CLINT1: variants seen among roughly 807,000 people sequenced by gnomAD.
CLINT1 encodes clathrin interacting protein localized in the trans-Golgi region.
Under a neutral mutation model 70.4 loss-of-function variants are expected in CLINT1, and 15 were observed. The observed-to-expected ratio is 0.21, with a 90% confidence interval of 0.14 to 0.33. The LOEUF is 0.33. CLINT1 is among the 10% of genes least tolerant of loss of function. CLINT1 has a pLI of 1.00. For synonymous variants in CLINT1, 227 were observed against 254.7 expected (o/e 0.89, Z 1.04); for missense variants, 615 against 778.1 (o/e 0.79, Z 2.49).
chr5:157,854,008 A>T (rs987115569), intron 1 of CLINT1, among the ~76,000 whole-genome samples: 4 of 152,110 alleles, frequency 2.6e-5, no homozygotes, highest in Admixed American at 2.6e-4. Flanking sequence ...CTAGAAAAGG[A>T]GGAGAATAAT....
chr5:157,806,075 A>C lies in CLINT1; in HGVS notation c.733T>G (p.Ser245Ala), dbSNP rs1292217626. The C allele has an allele frequency of 6.2e-7, 1 of 1,613,902 alleles. No individual in the cohort carries two copies. The highest frequency in any genetic ancestry group is 1.7e-5 in the Admixed American group (1 of 60,010). The change falls in exon 7 of 12, where the codon TCT becomes GCT. Residue 245 changes from serine (S) to alanine (A), a missense_variant. Coordinates refer to ENST00000411809, the MANE Select transcript of CLINT1 (RefSeq NM_014666.4). ...TCATCTTTGAATTCACCTTTGGGAGATCTGCCTCTTCTCGCTTTCTTTTCC... is the reference window on the plus strand; with the variant it reads ...TCATCTTTGAATTCACCTTTGGGAGCTCTGCCTCTTCTCGCTTTCTTTTCC... ...DEEKKARRGR[S>A]PKGEFKDEEE...
At chr5:157,851,963 A>G (rs1229290942) in intron 1 of CLINT1, among the ~76,000 whole-genome samples, 4 of 152,204 alleles carry the variant, frequency 2.6e-5, no homozygotes, top group African/African-American at 9.7e-5. Flanking sequence ...AATAACCAGA[A>G]AGCCCTTTCT....
intron 1 of CLINT1, among the ~76,000 whole-genome samples, chr5:157,834,120 T>C (rs932319479): frequency 2.0e-5 from 3 of 149,998 alleles, no homozygotes; most frequent in African/African-American, 2.5e-5. Flanking sequence ...GGCAAGCGGA[T>C]TGCCTAGGCA....
At chr5:157,790,310 G>C (rs1761862961) in intron 10 of CLINT1, 1 of 169,728 alleles carries the variant, frequency 5.9e-6, no homozygotes, top group African/African-American at 2.4e-5. Flanking sequence ...CTGACATTTT[G>C]CTGTTCTGTG....
At position 157,817,078 on chromosome 5, in the gene CLINT1, C is replaced by T. The variant is rs551563345; in HGVS notation, c.147-248G>A. Among the ~76,000 whole-genome samples, 209 of 152,182 alleles carry T rather than the reference C, an allele frequency of 1.4e-3. 3 individuals carry two copies. Among genetic ancestry groups the T allele is most frequent in the African/African-American group, 4.8e-3 (200 of 41,544 alleles). ...ATAATTAATTAAATTAATTAATATACTTTGCAAGCTCTTCATTCACTGGTA... is the reference window on the plus strand; with the variant it reads ...ATAATTAATTAAATTAATTAATATATTTTGCAAGCTCTTCATTCACTGGTA... On this transcript the variant is annotated intron_variant, in intron 2 of 11. Transcript: ENST00000411809.
At chr5:157,857,457 A>G (rs895368715) in intron 1 of CLINT1, among the ~76,000 whole-genome samples, 4 of 152,234 alleles carry the variant, frequency 2.6e-5, no homozygotes, top group Admixed American at 1.3e-4. Flanking sequence ...TTATAAAGGA[A>G]AATTATTAAA....
intron 1 of CLINT1, among the ~76,000 whole-genome samples, chr5:157,836,178 G>GT (rs1763415793): frequency 1.3e-5 from 2 of 152,134 alleles, no homozygotes; most frequent in African/African-American, 4.8e-5. Flanking sequence ...TTGGTTATTG[G>GT]TTTTTAATAC....
chr5:157,845,601 G>C (rs1236810735), intron 1 of CLINT1, among the ~76,000 whole-genome samples: 1 of 150,284 alleles, frequency 6.7e-6, no homozygotes, highest in Non-Finnish European at 1.5e-5. Context: ...GCCCAGGCTG[G>C]AGTGCAGTGG....
At chr5:157,816,370 G>C (rs1382541530) in intron 3 of CLINT1, among the ~76,000 whole-genome samples, 1 of 152,052 alleles carries the variant, frequency 6.6e-6, no homozygotes, top group Non-Finnish European at 1.5e-5. Flanking sequence ...TCATAAATTA[G>C]GTAAATTTCT....
At chr5:157,808,953 G>C (rs1762464207) in intron 6 of CLINT1, 1 of 151,788 alleles carries the variant, frequency 6.6e-6, no homozygotes, top group Non-Finnish European at 1.5e-5. Context: ...TTTTTACTGG[G>C]GAAAAAAATC....
intron 10 of CLINT1, chr5:157,789,995 G>A (rs1236802528): frequency 5.7e-6 from 1 of 174,558 alleles, no homozygotes; most frequent in Non-Finnish European, 1.2e-5. Context: ...GAGGTCAGAA[G>A]TTCAAGACCA....
intron 1 of CLINT1, among the ~76,000 whole-genome samples, chr5:157,857,421 T>G (rs750571895): frequency 3.3e-5 from 5 of 152,174 alleles, no homozygotes; most frequent in Non-Finnish European, 4.4e-5. Flanking sequence ...AATAAATAGC[T>G]GAAGCCTTAA....
intron 2 of CLINT1, 21 bp from the exon 3 acceptor site, chr5:157,816,851 TAA>T (rs1581504738): frequency 1.3e-6 from 2 of 1,546,356 alleles, no homozygotes; most frequent in East Asian, 2.3e-5. Context: ...AATCATTCTT[TAA>T]GAGTCTGCAA....
chr5:157,851,707 AAT>A, intron 1 of CLINT1, among the ~76,000 whole-genome samples: 2 of 151,834 alleles, frequency 1.3e-5, no homozygotes, highest in African/African-American at 4.8e-5. Flanking sequence ...AAAAAAAAGA[AAT>A]GAAATATTCT....
At chr5:157,820,552 T>C (rs1762849652) in intron 1 of CLINT1, among the ~76,000 whole-genome samples, 1 of 152,180 alleles carries the variant, frequency 6.6e-6, no homozygotes. Context: ...CAGAAACAAA[T>C]GTAAACTAAA....
At chr5:157,858,586 C>A (rs955212758) in intron 1 of CLINT1, among the ~76,000 whole-genome samples, 6 of 152,216 alleles carry the variant, frequency 3.9e-5, no homozygotes, top group Non-Finnish European at 8.8e-5. Context: ...CGGCCTGGGG[C>A]CAAGACAGTC....
At chr5:157,825,460 T>C (rs1454869897) in intron 1 of CLINT1, among the ~76,000 whole-genome samples, 1 of 152,130 alleles carries the variant, frequency 6.6e-6, no homozygotes, top group Non-Finnish European at 1.5e-5. Flanking sequence ...CTACCAGGCT[T>C]TGAAGGAGGA....
intron 10 of CLINT1, chr5:157,789,863 T>C (rs1219522463): frequency 5.3e-6 from 2 of 378,666 alleles, no homozygotes; most frequent in Non-Finnish European, 9.8e-6. Context: ...TTTAGGTTAG[T>C]ACAGCTTTAA....
chr5:157,786,493 T>C lies in CLINT1; in HGVS notation c.*1153A>G, dbSNP rs1761730682. The C allele has an allele frequency of 6.6e-6, 1 of 152,542 alleles. No individual in the cohort carries two copies. The highest frequency in any genetic ancestry group is 1.5e-5 in the Non-Finnish European group (1 of 67,998). 9.4% of individuals were successfully genotyped at this position (152,542 alleles called of 1,614,324 possible). A position where few individuals can be genotyped will look rare whatever the true frequency, so the allele number is the denominator to read the frequency against. On this transcript the variant is annotated 3_prime_UTR_variant, in exon 12 of 12. Transcript: ENST00000411809. ...TGCATTCCAAACTCTAGAATCATGA[T>C]TTTCATGTGAGCTTAATGCAGAATT...
Sources: allele counts gnomAD v4.1 joint callset (sites outside exome capture counted in the v4.1 genomes callset), GRCh38; gene constraint gnomAD v4.1.1; transcripts MANE v1.5; gene names NCBI Gene and HGNC (gene_info 2026-07-23, HGNC 2026-07-21).